The following PTPRT variants were observed in gnomAD, a reference collection of about 807,000 sequenced individuals.
The protein encoded by PTPRT is protein tyrosine phosphatase receptor type T.
In PTPRT, 56 loss-of-function variants were observed where a neutral mutation model predicts 176.8. The ratio of observed to expected loss-of-function variants is 0.32; its 90% confidence interval spans 0.26 to 0.40. PTPRT has a LOEUF of 0.40. Ranked by LOEUF, PTPRT falls within the 10% of genes least tolerant of loss-of-function variation. The pLI is 1.00. For missense variants in PTPRT, 1,540 were observed against 1,908.2 expected, an observed-to-expected ratio of 0.81 and a Z score of 3.60; for synonymous variants, 783 against 739.0, an observed-to-expected ratio of 1.06 and a Z score of -0.96.
Position 42,440,481 on chromosome 20 carries a change from CTTTT to C in PTPRT, c.1560+7735_1560+7738del, listed in dbSNP as rs759500806. 7.9e-5 allele frequency among the ~76,000 whole-genome samples: 11 copies of C among 138,534 alleles called. No homozygotes were observed. In the South Asian group the frequency reaches 1.9e-3, roughly 24 times the overall value. The allele number at this position is 138,534 out of a possible 152,430, so 90.9% of individuals were successfully genotyped here. A position where few individuals can be genotyped will look rare whatever the true frequency, so the allele number is the denominator to read the frequency against. ...TATAGCATATATTAGTTGTTTCTTT[CTTTT>C]TTTTTTTTTTTAGACAGAGTCTCGC... On this transcript the variant is annotated intron_variant, in intron 9 of 30. Coordinates refer to ENST00000373187, the MANE Select transcript of PTPRT (RefSeq NM_007050.6).
At chr20:42,866,650 C>A (rs185068494) in intron 2 of PTPRT, among the ~76,000 whole-genome samples, 48 of 152,262 alleles carry the variant, frequency 3.2e-4, no homozygotes, top group African/African-American at 1.1e-3. Flanking sequence ...TCTTATCATG[C>A]AACATCCTTC....
rs942971879 is a variant in PTPRT at position 42,885,795 on chromosome 20, T to C, written c.214+12A>G. ...ATCCCCATTACAGCCCCAAACATGA[T>C]GGATCACATACCTGTGGGCACTGCC... On this transcript the variant is annotated intron_variant, in intron 2 of 30. Coordinates refer to ENST00000373187, the MANE Select transcript of PTPRT (RefSeq NM_007050.6). 3.1e-6 allele frequency: 5 copies of C among 1,599,928 alleles called. No homozygotes were observed. In the Admixed American group the frequency reaches 8.4e-5, roughly 27 times the overall value.
chr20:42,061,224 C>A, the PTPRT span, among the ~76,000 whole-genome samples: 1 of 152,108 alleles, frequency 6.6e-6, no homozygotes, highest in Non-Finnish European at 1.5e-5. Flanking sequence ...ACTCGGTGAT[C>A]CACATGTCCT....
At chr20:42,624,241 C>G (rs186046045) in intron 7 of PTPRT, among the ~76,000 whole-genome samples, 2 of 152,108 alleles carry the variant, frequency 1.3e-5, no homozygotes, top group Non-Finnish European at 2.9e-5. Flanking sequence ...ATTCTGTTGG[C>G]GCTGCCTGCA....
downstream of PTPRT, among the ~76,000 whole-genome samples, chr20:42,069,782 CTAGT>C (rs1982244091): frequency 6.6e-6 from 1 of 152,122 alleles, no homozygotes; most frequent in Non-Finnish European, 1.5e-5. Flanking sequence ...CCTTGAATAA[CTAGT>C]TAAATTTTGT....
intron 17 of PTPRT, among the ~76,000 whole-genome samples, chr20:42,156,656 A>G (rs1989366964): frequency 6.6e-6 from 1 of 152,230 alleles, no homozygotes; most frequent in African/African-American, 2.4e-5. Context: ...CATTTCCATT[A>G]GAGGCAGCTC....
At chr20:42,088,148 C>G (rs1984203942) in intron 27 of PTPRT, among the ~76,000 whole-genome samples, 1 of 152,170 alleles carries the variant, frequency 6.6e-6, no homozygotes, top group South Asian at 2.1e-4. Flanking sequence ...GGGGACCACC[C>G]CAACATGAAC....
intron 14 of PTPRT, among the ~76,000 whole-genome samples, chr20:42,237,333 C>A (rs1267381862): frequency 6.6e-6 from 1 of 152,162 alleles, no homozygotes; most frequent in African/African-American, 2.4e-5. Flanking sequence ...GAGTTCCAAC[C>A]TTCAGTCTGA....
chr20:42,356,708 C>T (rs1307599496), intron 9 of PTPRT, among the ~76,000 whole-genome samples: 1 of 152,088 alleles, frequency 6.6e-6, no homozygotes, highest in East Asian at 1.9e-4. Context: ...ACAACAACAA[C>T]AATGACAAAA....
chr20:42,598,522 G>A (rs1309746622), intron 7 of PTPRT, among the ~76,000 whole-genome samples: 2 of 152,178 alleles, frequency 1.3e-5, no homozygotes, highest in African/African-American at 4.8e-5. Flanking sequence ...TGTTAGGGAA[G>A]ACACAAAATT....
At chr20:42,504,174 T>TG (rs1248906867) in intron 7 of PTPRT, among the ~76,000 whole-genome samples, 1 of 152,186 alleles carries the variant, frequency 6.6e-6, no homozygotes, top group Non-Finnish European at 1.5e-5. Flanking sequence ...GAGGATTTTA[T>TG]TTTTAAATGT....
chr20:42,588,201 T>G (rs2073505513), intron 7 of PTPRT, among the ~76,000 whole-genome samples: 1 of 152,106 alleles, frequency 6.6e-6, no homozygotes, highest in Non-Finnish European at 1.5e-5. Context: ...CCCAGCACTG[T>G]GGGAGGCTAA....
At chr20:42,801,755 A>T (rs1001244285) in intron 2 of PTPRT, among the ~76,000 whole-genome samples, 13 of 152,330 alleles carry the variant, frequency 8.5e-5, no homozygotes, top group African/African-American at 3.1e-4. Flanking sequence ...TAAGTTATGT[A>T]GGTGTCAGAC....
At chr20:42,230,566 T>C (rs1163702698) in intron 15 of PTPRT, among the ~76,000 whole-genome samples, 1 of 152,164 alleles carries the variant, frequency 6.6e-6, no homozygotes, top group Non-Finnish European at 1.5e-5. Context: ...GCTCAGAATG[T>C]GAGGAATAGT....
intron 7 of PTPRT, among the ~76,000 whole-genome samples, chr20:42,558,053 G>A (rs2072890397): frequency 1.3e-5 from 2 of 152,070 alleles, no homozygotes; most frequent in African/African-American, 2.4e-5. Context: ...GTGTCATGGG[G>A]GTTTGTTGTA....
At chr20:43,122,647 T>TCC (rs2013305116) in intron 1 of PTPRT, among the ~76,000 whole-genome samples, 1 of 152,092 alleles carries the variant, frequency 6.6e-6, no homozygotes, top group African/African-American at 2.4e-5. Flanking sequence ...GCCTTGGGCC[T>TCC]CCCCCTTCTC....
chr20:42,624,156 T>C (rs2074251171), intron 7 of PTPRT, among the ~76,000 whole-genome samples: 1 of 152,116 alleles, frequency 6.6e-6, no homozygotes, highest in Non-Finnish European at 1.5e-5. Context: ...TTTCATAGAA[T>C]CCTGCTCTGT....
intron 1 of PTPRT, among the ~76,000 whole-genome samples, chr20:42,924,767 G>A (rs963557514): frequency 5.3e-5 from 8 of 152,210 alleles, no homozygotes; most frequent in African/African-American, 1.4e-4. Context: ...AAAGGTGAGT[G>A]GAGATTTGAT....
intron 7 of PTPRT, among the ~76,000 whole-genome samples, chr20:42,666,054 G>C (rs1001687698): frequency 2.0e-5 from 3 of 151,646 alleles, no homozygotes; most frequent in Admixed American, 6.6e-5. Context: ...TAACAAACCT[G>C]CACGTTGTGC....
Sources: allele counts gnomAD v4.1 joint callset (sites outside exome capture counted in the v4.1 genomes callset), GRCh38; gene constraint gnomAD v4.1.1; transcripts MANE v1.5; gene names NCBI Gene and HGNC (gene_info 2026-07-23, HGNC 2026-07-21).